Variants in SYT1 observed in about 807,000 individuals in gnomAD.
The protein encoded by SYT1 is synaptotagmin-1.
A neutral mutation model predicts 44.8 loss-of-function variants in SYT1; 8 were observed. The ratio of observed to expected loss-of-function variants is 0.18; its 90% CI spans 0.10 to 0.32. The LOEUF is 0.32. Ranked by LOEUF, SYT1 falls within the 10% of genes least tolerant of loss-of-function variation. The pLI, the probability that SYT1 is intolerant of heterozygous loss-of-function variation, is 1.00. For synonymous variants in SYT1, 154 were observed against 188.8 expected, an observed-to-expected ratio of 0.82 and a Z score of 1.51; for missense variants, 286 against 509.3, an observed-to-expected ratio of 0.56 and a Z score of 4.22.
intron 4 of SYT1, among the ~76,000 whole-genome samples, chr12:79,238,366 G>A (rs1184370562): frequency 3.9e-5 from 6 of 152,162 alleles, no homozygotes; most frequent in Non-Finnish European, 7.3e-5. Flanking sequence ...CATGGCAAAT[G>A]CTTCAGATAT....
intron 1 of SYT1, among the ~76,000 whole-genome samples, chr12:78,917,230 C>G (rs1876708400): frequency 6.6e-6 from 1 of 152,072 alleles, no homozygotes; most frequent in South Asian, 2.1e-4. Flanking sequence ...GGCAGCCTTT[C>G]AAGAATTTGA....
chr12:79,319,402 C>T (rs890041472), intron 8 of SYT1, among the ~76,000 whole-genome samples: 1 of 152,118 alleles, frequency 6.6e-6, no homozygotes, highest in African/African-American at 2.4e-5. Flanking sequence ...GTTGGAATTC[C>T]ACGTGGCCAA....
At chr12:79,150,449 G>A (rs987456151) in intron 3 of SYT1, among the ~76,000 whole-genome samples, 1 of 152,198 alleles carries the variant, frequency 6.6e-6, no homozygotes, top group Non-Finnish European at 1.5e-5. Flanking sequence ...GTGTATTGGA[G>A]AAGAGGGGTA....
intron 3 of SYT1, among the ~76,000 whole-genome samples, chr12:79,102,270 T>TTCTCTC (rs113338125): frequency 6.7e-6 from 1 of 148,726 alleles, no homozygotes; most frequent in African/African-American, 2.5e-5. Context: ...CTCTCTCTCT[T>TTCTCTC]TCTCTCTCTC....
chr12:78,913,355 T>C (rs1359202799), intron 1 of SYT1, among the ~76,000 whole-genome samples: 1 of 151,292 alleles, frequency 6.6e-6, no homozygotes, highest in African/African-American at 2.4e-5. Flanking sequence ...AGAAGATCCA[T>C]AAACTTTGAA....
chr12:79,154,870 C>T (rs1388746285), intron 3 of SYT1, among the ~76,000 whole-genome samples: 2 of 152,084 alleles, frequency 1.3e-5, no homozygotes, highest in African/African-American at 4.8e-5. Flanking sequence ...CCACTGAAGG[C>T]ATATTGCACC....
intron 9 of SYT1, among the ~76,000 whole-genome samples, chr12:79,364,740 A>G (rs544839934): frequency 6.6e-6 from 1 of 152,340 alleles, no homozygotes; most frequent in South Asian, 2.1e-4. Context: ...AGTCAACAAT[A>G]TGACAGTGTA....
intron 1 of SYT1, among the ~76,000 whole-genome samples, chr12:78,915,476 T>C (rs1293995090): frequency 6.6e-6 from 1 of 152,060 alleles, no homozygotes; most frequent in African/African-American, 2.4e-5. Context: ...AAAAAAAATG[T>C]AGAAATGACA....
intron 1 of SYT1, among the ~76,000 whole-genome samples, chr12:78,923,775 G>T (rs1449095189): frequency 6.6e-6 from 1 of 150,942 alleles, no homozygotes; most frequent in South Asian, 2.1e-4. Context: ...AGAGTAAGTT[G>T]CTGGCTTACT....
At chr12:79,343,828 T>A (rs1246014644) in intron 8 of SYT1, among the ~76,000 whole-genome samples, 5 of 152,194 alleles carry the variant, frequency 3.3e-5, no homozygotes, top group Non-Finnish European at 5.9e-5. Context: ...AATATTGTCT[T>A]CTCATACTCC....
At chr12:78,899,580 A>G (rs1044728537) in intron 1 of SYT1, among the ~76,000 whole-genome samples, 18 of 151,930 alleles carry the variant, frequency 1.2e-4, no homozygotes, top group African/African-American at 4.1e-4. Context: ...TCTAAAATGT[A>G]CTTGTGAAAT....
chr12:79,360,912 C>T (rs1006595845), intron 9 of SYT1, among the ~76,000 whole-genome samples: 1 of 152,120 alleles, frequency 6.6e-6, no homozygotes. Context: ...GACCCAGGCA[C>T]AGTTATCCAC....
intron 3 of SYT1, among the ~76,000 whole-genome samples, chr12:79,068,202 A>G (rs1565791141): frequency 6.6e-6 from 1 of 152,182 alleles, no homozygotes; most frequent in Non-Finnish European, 1.5e-5. Context: ...GTTTTGTGCC[A>G]AATGGAATGA....
intron 1 of SYT1, among the ~76,000 whole-genome samples, chr12:78,911,761 G>T (rs543739859): frequency 2.0e-5 from 3 of 151,986 alleles, no homozygotes; most frequent in East Asian, 3.9e-4. Flanking sequence ...TCATGATGTT[G>T]GTGACACCTT....
In SYT1 at chr12:79,126,123, G is replaced by A. The variant is rs889220631; in HGVS notation, c.-18+78761G>A. ...TATTAAAGACTTATCTTCTGGAAGA[G>A]CAAAGTCCTAATTATTAGGTATCAG... On this transcript the variant is annotated intron_variant, in intron 3 of 10. Transcript: ENST00000261205. Among the ~76,000 whole-genome samples, 3 of 152,302 alleles carry A rather than the reference G, an allele frequency of 2.0e-5. No individual in the cohort carries two copies. The East Asian group carries it at 5.8e-4, about 29-fold the overall frequency.
intron 3 of SYT1, among the ~76,000 whole-genome samples, chr12:79,158,517 T>C (rs1057083445): frequency 3.9e-5 from 6 of 152,120 alleles, no homozygotes; most frequent in Non-Finnish European, 8.8e-5. Context: ...GTCCATGGCC[T>C]GTAGTTTGGG....
At chr12:79,151,689 A>G (rs1233817509) in intron 3 of SYT1, among the ~76,000 whole-genome samples, 1 of 152,144 alleles carries the variant, frequency 6.6e-6, no homozygotes, top group Non-Finnish European at 1.5e-5. Context: ...TGATGGTTTG[A>G]GAGCTATTTA....
chr12:79,084,494 G>A (rs1464340133), intron 3 of SYT1, among the ~76,000 whole-genome samples: 1 of 151,866 alleles, frequency 6.6e-6, no homozygotes. Context: ...TCAGTGCTTT[G>A]CCTAAATCTG....
intron 1 of SYT1, among the ~76,000 whole-genome samples, chr12:78,937,164 T>C (rs952947794): frequency 3.9e-5 from 6 of 152,180 alleles, no homozygotes; most frequent in African/African-American, 7.2e-5. Context: ...TAAAATTTAG[T>C]CAAGCTGAGG....
Sources: allele counts gnomAD v4.1 joint callset (sites outside exome capture counted in the v4.1 genomes callset), GRCh38; gene constraint gnomAD v4.1.1; transcripts MANE v1.5; gene names NCBI Gene and HGNC (gene_info 2026-07-23, HGNC 2026-07-21).